Variants in THADA observed in about 807,000 individuals in gnomAD.
THADA encodes the protein THADA armadillo repeat containing.
In THADA, 213 loss-of-function variants were observed where a neutral mutation model predicts 219.8. The observed-to-expected ratio is 0.97, with a 90% CI of 0.87 to 1.09. The LOEUF is 1.09. Ranked by LOEUF, THADA falls within the 50% of genes least tolerant of loss-of-function variation. The pLI is 0.00. For synonymous variants in THADA, 1,018 were observed against 828.9 expected (o/e 1.23, Z -3.92); for missense variants, 2,956 against 2,311.3 (o/e 1.28, Z -5.72).
At chr2:43,324,762 G>C (rs186756933) in intron 30 of THADA, among the ~76,000 whole-genome samples, 1 of 152,130 alleles carries the variant, frequency 6.6e-6, no homozygotes, top group African/African-American at 2.4e-5. Context: ...AAATCCCGAA[G>C]AGCAGCACGC....
At chr2:43,514,783 T>G (rs1456295168) in intron 22 of THADA, among the ~76,000 whole-genome samples, 1 of 79,572 alleles carries the variant, frequency 1.3e-5, no homozygotes, top group African/African-American at 5.8e-5. Context: ...ATATTTTATA[T>G]ATAATAATAT....
intron 28 of THADA, among the ~76,000 whole-genome samples, chr2:43,403,580 C>G (rs1004372413): frequency 2.6e-5 from 4 of 152,152 alleles, no homozygotes; most frequent in African/African-American, 9.7e-5. Flanking sequence ...CCAATATCCC[C>G]TTCCATCCTA....
At chr2:43,325,971 A>G (rs1573076757) in intron 30 of THADA, among the ~76,000 whole-genome samples, 1 of 152,310 alleles carries the variant, frequency 6.6e-6, no homozygotes, top group East Asian at 1.9e-4. Context: ...ATATCTTGAA[A>G]GCACACATTC....
chr2:43,473,218 A>G (rs1449843856), intron 26 of THADA, among the ~76,000 whole-genome samples: 2 of 152,236 alleles, frequency 1.3e-5, no homozygotes, highest in Non-Finnish European at 2.9e-5. Context: ...GCTGTACAAA[A>G]ACATTTCCTT....
chr2:43,362,543 C>T (rs1457596975), intron 29 of THADA, among the ~76,000 whole-genome samples: 1 of 152,076 alleles, frequency 6.6e-6, no homozygotes, highest in East Asian at 1.9e-4. Flanking sequence ...GTATAGAGCA[C>T]TCATCATGAG....
At chr2:43,313,884 G>A (rs762298161) in intron 31 of THADA, among the ~76,000 whole-genome samples, 18 of 152,246 alleles carry the variant, frequency 1.2e-4, no homozygotes, top group Admixed American at 5.9e-4. Flanking sequence ...GGCAGCTGGA[G>A]AGCTCAGGAT....
intron 1 of THADA, among the ~76,000 whole-genome samples, chr2:43,594,252 C>G (rs1011617052): frequency 7.2e-5 from 11 of 152,122 alleles, no homozygotes; most frequent in African/African-American, 2.7e-4. Context: ...TTCCTTAAAA[C>G]TTTCCAAGGG....
chr2:43,523,871 T>C (rs538800357), intron 22 of THADA, among the ~76,000 whole-genome samples: 2 of 152,332 alleles, frequency 1.3e-5, no homozygotes, highest in South Asian at 4.1e-4. Flanking sequence ...AGAATTATAA[T>C]CAATGATTTT....
intron 20 of THADA, among the ~76,000 whole-genome samples, chr2:43,541,759 G>A (rs1004063654): frequency 1.3e-5 from 2 of 152,074 alleles, no homozygotes; most frequent in South Asian, 2.1e-4. Flanking sequence ...CTCCCAAAGT[G>A]CTGGGATTAT....
chr2:43,593,293 A>G (rs865890125), intron 1 of THADA, among the ~76,000 whole-genome samples: 1 of 152,232 alleles, frequency 6.6e-6, no homozygotes, highest in South Asian at 2.1e-4. Flanking sequence ...AAACACAGAA[A>G]GAGAGGCTGG....
chr2:43,539,562 G>A (rs996148534), intron 21 of THADA, among the ~76,000 whole-genome samples: 9 of 152,212 alleles, frequency 5.9e-5, no homozygotes, highest in African/African-American at 1.9e-4. Flanking sequence ...CATAGGGGAC[G>A]GGGTTCCAGT....
intron 26 of THADA, among the ~76,000 whole-genome samples, chr2:43,475,676 G>C (rs1273005499): frequency 6.6e-6 from 1 of 152,056 alleles, no homozygotes; most frequent in African/African-American, 2.4e-5. Flanking sequence ...CTATTTTAAC[G>C]TTCTACAAAA....
intron 31 of THADA, among the ~76,000 whole-genome samples, chr2:43,297,624 C>T (rs1311353021): frequency 2.9e-5 from 3 of 102,298 alleles, no homozygotes; most frequent in Non-Finnish European, 5.8e-5. Flanking sequence ...GCCCGGCCAG[C>T]CCCCCCGTCC....
At chr2:43,588,554 A>G (rs925928835) in intron 4 of THADA, among the ~76,000 whole-genome samples, 7 of 152,218 alleles carry the variant, frequency 4.6e-5, no homozygotes, top group African/African-American at 1.2e-4. Context: ...GAAAATGTAC[A>G]AAGAATATGT....
At chr2:43,398,279 T>C in intron 28 of THADA, 140 bp from the exon 29 acceptor site, 1 of 813,546 alleles carries the variant, frequency 1.2e-6, no homozygotes, top group East Asian at 2.6e-5. Context: ...TCCCAAATGA[T>C]GTTTTGTATC....
chr2:43,453,172 G>C (rs1682571749), intron 26 of THADA, among the ~76,000 whole-genome samples: 1 of 152,120 alleles, frequency 6.6e-6, no homozygotes, highest in Non-Finnish European at 1.5e-5. Flanking sequence ...GTGATGTCTG[G>C]TATACACATA....
intron 26 of THADA, among the ~76,000 whole-genome samples, chr2:43,440,047 G>A (rs1348992800): frequency 1.3e-5 from 2 of 152,064 alleles, no homozygotes; most frequent in Non-Finnish European, 2.9e-5. Context: ...AAGTAAAAAT[G>A]CAAATGTTAA....
intron 10 of THADA, among the ~76,000 whole-genome samples, chr2:43,576,141 G>A (rs914929474): frequency 6.6e-6 from 1 of 152,164 alleles, no homozygotes; most frequent in African/African-American, 2.4e-5. Context: ...TTTTAGAAAT[G>A]CTGGTGGTTG....
intron 31 of THADA, among the ~76,000 whole-genome samples, chr2:43,308,839 G>A (rs1369701527): frequency 2.1e-5 from 3 of 142,180 alleles, no homozygotes; most frequent in Non-Finnish European, 4.5e-5. Context: ...ATAGACTACA[G>A]ATCTAAATGT....
Sources: allele counts gnomAD v4.1 joint callset (sites outside exome capture counted in the v4.1 genomes callset), GRCh38; gene constraint gnomAD v4.1.1; transcripts MANE v1.5; gene names NCBI Gene and HGNC (gene_info 2026-07-23, HGNC 2026-07-21).